The following MGAT4D variants were observed in gnomAD, a reference collection of about 807,000 sequenced individuals.
MGAT4D encodes the protein alpha-1,3-mannosyl-glycoprotein 4-beta-N-acetylglucosaminyltransferase-like protein MGAT4D.
A neutral mutation model predicts 15.9 loss-of-function variants in MGAT4D; 34 were observed. The ratio of observed to expected loss-of-function variants is 2.14; its 90% CI spans 1.62 to 2.84. MGAT4D has a LOEUF of 2.84. MGAT4D is among the 30% of genes most tolerant of loss of function. MGAT4D has a pLI of 0.00. For missense variants in MGAT4D, 327 were observed against 140.2 expected, an observed-to-expected ratio of 2.33 and a Z score of -6.73; for synonymous variants, 112 against 48.2, an observed-to-expected ratio of 2.33 and a Z score of -5.49.
chr4:140,448,751 G>T (rs1407051187), intron 10 of MGAT4D, among the ~76,000 whole-genome samples: 1 of 152,188 alleles, frequency 6.6e-6, no homozygotes, highest in East Asian at 1.9e-4. Context: ...AACTAGTGTG[G>T]TCATTTGCAG....
At chr4:140,489,743 C>T (rs147808033) in intron 1 of MGAT4D, among the ~76,000 whole-genome samples, 113 of 152,252 alleles carry the variant, frequency 7.4e-4, no homozygotes, top group African/African-American at 2.6e-3. Context: ...TATACCACAA[C>T]ATGTTTGTCT....
chr4:140,498,054 C>T (rs908016434), intron 1 of MGAT4D, 75 bp downstream of exon 1: 2 of 664,296 alleles, frequency 3.0e-6, no homozygotes, highest in Non-Finnish European at 5.5e-6. Context: ...CCCGCCGACC[C>T]TGCCCCGCCT....
intron 1 of MGAT4D, among the ~76,000 whole-genome samples, chr4:140,493,374 C>T (rs547914697): frequency 5.1e-4 from 76 of 149,320 alleles, no homozygotes; most frequent in Non-Finnish European, 9.5e-4. Flanking sequence ...CGGCTTACTG[C>T]AAGCTCTGCC....
chr4:140,498,135 G>A lies in MGAT4D; in HGVS notation c.88C>T (p.Gln30Ter). The change falls in exon 1 of 11, where the codon CAA (glutamine) becomes TAA (stop). Residue 30 changes from glutamine (Q) to a stop codon, truncating the protein, a stop_gained. Coordinates refer to ENST00000511113, the MANE Select transcript of MGAT4D (RefSeq NM_001277353.2). LOFTEE classifies it high-confidence loss of function. ...AGGAGGGCCCGCCGCTTACTGGTTT[G>A]AGTTATCCTGTAGATGGAGAAGCAA... ...FSCFSIYRIT[Q>*]TNNQLINCRN... The A allele has an allele frequency of 1.4e-6, 1 of 702,134 alleles. No individual in the cohort carries two copies. The highest frequency in any genetic ancestry group is 2.6e-6 in the Non-Finnish European group (1 of 384,520). The allele number at this position is 702,134 out of a possible 1,614,324, so 43.5% of individuals were successfully genotyped here. A position where few individuals can be genotyped will look rare whatever the true frequency, so the allele number is the denominator to read the frequency against.
In MGAT4D at chr4:140,454,776, T is replaced by C. The variant is rs536629078; in HGVS notation, c.1008+1813A>G. ...ATAATAATTTAATTTCTTTAGTAGA[T>C]ATAGGACTACTCAGATTACCAATTT... On this transcript the variant is annotated intron_variant, in intron 9 of 10. Transcript: ENST00000511113. Among the ~76,000 whole-genome samples the C allele has an allele frequency of 3.0e-4, 45 of 152,308 alleles. 1 individual carries two copies. The East Asian group carries it at 8.1e-3, about 27-fold the overall frequency.
Position 140,474,795 on chromosome 4 carries a change from C to T in MGAT4D, c.525+18G>A. ...CATAGGGTGAGGATAAGGAGAGCTC[C>T]TTATTTTGTATACGTACATCTGCAA... On this transcript the variant is annotated intron_variant, in intron 4 of 10. Transcript: ENST00000511113. 1.6e-6 allele frequency: 1 copy of T among 644,638 alleles called. No homozygotes were observed. Among genetic ancestry groups the T allele is most frequent in the Non-Finnish European group, 2.8e-6 (1 of 359,010 alleles). The allele number at this position is 644,638 out of a possible 1,614,324, so 39.9% of individuals were successfully genotyped here.
chr4:140,448,155 A>G (rs2126668175), intron 10 of MGAT4D, among the ~76,000 whole-genome samples: 1 of 152,128 alleles, frequency 6.6e-6, no homozygotes, highest in South Asian at 2.1e-4. Flanking sequence ...TTTCATTTTG[A>G]CTTCCGTAAA....
chr4:140,462,916 A>C (rs73856615), intron 6 of MGAT4D, among the ~76,000 whole-genome samples: 186 of 152,302 alleles, frequency 1.2e-3, no homozygotes, highest in African/African-American at 4.2e-3. Context: ...ACACTGCAGC[A>C]ACATACCAGG....
rs377656500 is a variant in MGAT4D at position 140,442,604 on chromosome 4, A to AT, written c.*831dup. ...ATAGATAGGAATACTTTTAAGAGATATTTTTAAAGCACAAAACCAACACTT... is the reference window on the plus strand; with the variant it reads ...ATAGATAGGAATACTTTTAAGAGATATTTTTTAAAGCACAAAACCAACACTT... On this transcript the variant is annotated 3_prime_UTR_variant, in exon 11 of 11. Coordinates refer to ENST00000511113, the MANE Select transcript of MGAT4D (RefSeq NM_001277353.2). 2.2e-3 allele frequency: 336 copies of AT among 152,230 alleles called. 2 individuals are homozygous for AT. The highest frequency in any genetic ancestry group is 7.6e-3 in the African/African-American group (314 of 41,568). The allele number at this position is 152,230 out of a possible 1,614,324, so 9.4% of individuals were successfully genotyped here.
At chr4:140,447,348 T>C (rs915035692) in intron 10 of MGAT4D, among the ~76,000 whole-genome samples, 1 of 152,202 alleles carries the variant, frequency 6.6e-6, no homozygotes, top group African/African-American at 2.4e-5. Context: ...TACGTCTCTT[T>C]GTAGGTCTCT....
chr4:140,466,197 G>A (rs1004586753), intron 5 of MGAT4D, among the ~76,000 whole-genome samples: 4 of 152,134 alleles, frequency 2.6e-5, no homozygotes, highest in African/African-American at 4.8e-5. Context: ...TGGATGTGCC[G>A]TAAAAGAGCT....
chr4:140,498,188 AG>A lies in MGAT4D; in HGVS notation c.34del (p.Leu12TrpfsTer17), dbSNP rs1733969464. 1.4e-6 allele frequency: 1 copy of A among 702,538 alleles called. No homozygotes were observed. Among genetic ancestry groups the A allele is most frequent in the Non-Finnish European group, 2.6e-6 (1 of 384,742 alleles). The allele number at this position is 702,538 out of a possible 1,614,324, so 43.5% of individuals were successfully genotyped here. A position where few individuals can be genotyped will look rare whatever the true frequency, so the allele number is the denominator to read the frequency against. On this transcript the variant is annotated frameshift_variant, in exon 1 of 11. Transcript: ENST00000511113. LOFTEE classifies it high-confidence loss of function. ...RTKQVNLLIT[L>X]VAVALFSFSC... ...GAAGCTGAACAACGCGACGGCGACC[AG>A]GGTGATCAGCAAGTTCACCTGCTTG...
Position 140,489,371 on chromosome 4 carries a change from T to C in MGAT4D, c.95-6886A>G, listed in dbSNP as rs183900758. Among the ~76,000 whole-genome samples, 11 of 152,264 alleles carry C rather than the reference T, an allele frequency of 7.2e-5. No individual in the cohort carries two copies. In the East Asian group the frequency reaches 7.7e-4, roughly 11 times the overall value. ...GTGCATTAGGTTTTATTGCAGAATA[T>C]ATTAGACATTACAAAGCGTATATAA... On this transcript the variant is annotated intron_variant, in intron 1 of 10. Transcript: ENST00000511113.
intron 8 of MGAT4D, chr4:140,457,068 A>AT (rs1266578252): frequency 2.0e-5 from 3 of 153,262 alleles, no homozygotes; most frequent in East Asian, 1.9e-4. Context: ...TACAAACTGT[A>AT]TTTTTTACCT....
chr4:140,492,503 C>T (rs1733565087), intron 1 of MGAT4D, among the ~76,000 whole-genome samples: 1 of 152,090 alleles, frequency 6.6e-6, no homozygotes, highest in African/African-American at 2.4e-5. Flanking sequence ...TGGCACGCGC[C>T]TGTAGTCCCA....
intron 1 of MGAT4D, among the ~76,000 whole-genome samples, chr4:140,485,211 C>G (rs1733021366): frequency 6.6e-6 from 1 of 152,138 alleles, no homozygotes; most frequent in South Asian, 2.1e-4. Flanking sequence ...CCATGGAATA[C>G]TATGCAGCCA....
chr4:140,480,754 C>G (rs1197964209), intron 2 of MGAT4D, among the ~76,000 whole-genome samples: 1 of 150,076 alleles, frequency 6.7e-6, no homozygotes, highest in African/African-American at 2.5e-5. Flanking sequence ...CACACACACA[C>G]ACACACACAC....
At chr4:140,454,005 A>AG (rs1322638579) in intron 9 of MGAT4D, among the ~76,000 whole-genome samples, 2 of 144,560 alleles carry the variant, frequency 1.4e-5, no homozygotes, top group Non-Finnish European at 3.0e-5. Flanking sequence ...TATCAGTTCT[A>AG]GGATGTATGT....
At chr4:140,495,891 T>C (rs1287679474) in intron 1 of MGAT4D, among the ~76,000 whole-genome samples, 1 of 152,042 alleles carries the variant, frequency 6.6e-6, no homozygotes, top group African/African-American at 2.4e-5. Context: ...CACACCACCA[T>C]GCCCAGCTAA....
Sources: gnomAD v4.1 joint callset for allele counts (sites outside exome capture counted in the v4.1 genomes callset) on GRCh38, gnomAD v4.1.1 for gene constraint, MANE v1.5 for transcripts, NCBI Gene and HGNC (gene_info 2026-07-23, HGNC 2026-07-21) for gene names.